Variants in ERCC6 observed in about 807,000 individuals in gnomAD.
ERCC6 encodes the protein ERCC excision repair 6, chromatin remodeling factor.
Under a neutral mutation model 158.7 loss-of-function variants are expected in ERCC6, and 116 were observed. The observed-to-expected ratio is 0.73, with a 90% CI of 0.63 to 0.85. ERCC6 has a LOEUF of 0.85. Ranked by LOEUF, ERCC6 falls within the 40% of genes least tolerant of loss-of-function variation. The pLI, the probability that ERCC6 is intolerant of heterozygous loss-of-function variation, is 0.00. For missense variants in ERCC6, 1,698 were observed against 1,799.4 expected (o/e 0.94, Z 1.02); for synonymous variants, 678 against 659.3 (o/e 1.03, Z -0.43).
Position 49,528,529 on chromosome 10 carries a change from G to A in ERCC6, c.544-4C>T, listed in dbSNP as rs762468697. 1.2e-6 allele frequency: 2 copies of A among 1,614,062 alleles called. No homozygotes were observed. The highest frequency in any genetic ancestry group is 8.5e-7 in the Non-Finnish European group (1 of 1,179,970). On this transcript the variant is annotated splice_region_variant and splice_polypyrimidine_tract_variant and intron_variant, in intron 3 of 20. Coordinates refer to ENST00000355832, the MANE Select transcript of ERCC6 (RefSeq NM_000124.4). ...TGATCTTTTTTAGCTGTTGTTCCTT[G>A]AATGGTAAATATAGAAGACAGAAAA... is the stretch of plus-strand genomic sequence containing the variant.
intron 6 of ERCC6, 153 bp downstream of exon 6, chr10:49,505,731 T>C: frequency 1.3e-6 from 1 of 789,066 alleles, no homozygotes. Flanking sequence ...GAACAGCACG[T>C]GGCTATAATT....
intron 5 of ERCC6, among the ~76,000 whole-genome samples, chr10:49,511,272 G>GA (rs1192982015): frequency 5.9e-5 from 9 of 152,048 alleles, no homozygotes; most frequent in African/African-American, 1.9e-4. Context: ...GAATTCTTAT[G>GA]ATGGGAAAAA....
chr10:49,458,895 C>T lies in ERCC6; in HGVS notation c.4402G>A (p.Glu1468Lys). Residue 1468 changes from glutamate (E) to lysine (K), a missense_variant, in exon 21 of 21, where the codon GAA becomes AAA. Glu to Lys is a moderately conservative substitution (Grantham distance 56). Transcript: ENST00000355832. ...AAAGTGCACAGATTTCTCAATAGTTCTCGGAAGACACAAGACTGTGATGCA... is the reference window on the plus strand; with the variant it reads ...AAAGTGCACAGATTTCTCAATAGTTTTCGGAAGACACAAGACTGTGATGCA... ...LSASQSCVFR[E>K]LLRNLCTFHR... 6.2e-7 allele frequency: 1 copy of T among 1,614,184 alleles called. No individual in the cohort carries two copies. The highest frequency in any genetic ancestry group is 1.3e-5 in the African/African-American group (1 of 75,050).
intron 5 of ERCC6, among the ~76,000 whole-genome samples, chr10:49,521,773 C>G (rs992916690): frequency 6.6e-6 from 1 of 152,176 alleles, no homozygotes; most frequent in African/African-American, 2.4e-5. Flanking sequence ...AAAGACTGAG[C>G]TGAGGGCTTG....
At chr10:49,524,932 A>G in intron 4 of ERCC6, 155 bp from the exon 5 acceptor site, 1 of 1,487,420 alleles carries the variant, frequency 6.7e-7, no homozygotes, top group Non-Finnish European at 8.9e-7. Context: ...TATGAAGGAC[A>G]GAATAAAATT....
intron 18 of ERCC6, among the ~76,000 whole-genome samples, chr10:49,465,686 T>C (rs1279871081): frequency 6.6e-6 from 1 of 152,216 alleles, no homozygotes; most frequent in African/African-American, 2.4e-5. Flanking sequence ...ATGAGTCTTA[T>C]ATGAGATCTG....
intron 5 of ERCC6, among the ~76,000 whole-genome samples, chr10:49,523,775 G>A (rs557837239): frequency 6.6e-6 from 1 of 152,098 alleles, no homozygotes; most frequent in South Asian, 2.1e-4. Context: ...TCTTGCCCCA[G>A]CCTTCCCTTA....
intron 8 of ERCC6, among the ~76,000 whole-genome samples, chr10:49,487,566 TC>T (rs1851098349): frequency 6.9e-6 from 1 of 145,196 alleles, no homozygotes; most frequent in Non-Finnish European, 1.5e-5. Context: ...AGAAAAACCA[TC>T]CACCTTTAGC....
chr10:49,436,606 C>G, the ERCC6 span, among the ~76,000 whole-genome samples: 6 of 152,128 alleles, frequency 3.9e-5, no homozygotes, highest in Non-Finnish European at 7.4e-5. Flanking sequence ...AGATTTTAAA[C>G]TAATTTGGTC....
intron 8 of ERCC6, among the ~76,000 whole-genome samples, chr10:49,492,218 G>T (rs932659314): frequency 6.6e-6 from 1 of 152,004 alleles, no homozygotes; most frequent in African/African-American, 2.4e-5. Context: ...GAGTTTCGTG[G>T]TCCCCGTGCA....
intron 5 of ERCC6, chr10:49,517,010 T>G: frequency 6.2e-7 from 1 of 1,613,982 alleles, no homozygotes; most frequent in African/African-American, 1.3e-5. Context: ...CAGAAACAGG[T>G]GCTGTAGCAT....
At chr10:49,539,210 T>C (rs1284231393), upstream of ERCC6, among the ~76,000 whole-genome samples, 1 of 152,244 alleles carries the variant, frequency 6.6e-6, no homozygotes, top group Non-Finnish European at 1.5e-5. Flanking sequence ...TCTACTTGCG[T>C]GCGAGCAGGG....
intron 1 of ERCC6, among the ~76,000 whole-genome samples, chr10:49,534,133 CA>C (rs746772551): frequency 0.12 from 7,238 of 60,184 alleles, 73 homozygotes; most frequent in East Asian, 0.32. Flanking sequence ...GACTCAATCT[CA>C]AAAAAAAAAA....
intron 5 of ERCC6, among the ~76,000 whole-genome samples, chr10:49,518,852 G>A (rs1044252579): frequency 6.6e-6 from 1 of 152,150 alleles, no homozygotes; most frequent in Non-Finnish European, 1.5e-5. Flanking sequence ...CATTCTGTAA[G>A]ACTTACACAA....
intron 7 of ERCC6, among the ~76,000 whole-genome samples, chr10:49,499,000 T>G (rs1851311751): frequency 6.6e-6 from 1 of 152,116 alleles, no homozygotes; most frequent in African/African-American, 2.4e-5. Context: ...ACCAAAGAGC[T>G]TATTTGAAAC....
intron 1 of ERCC6, among the ~76,000 whole-genome samples, chr10:49,538,325 G>T (rs965362401): frequency 6.6e-6 from 1 of 152,224 alleles, no homozygotes; most frequent in Non-Finnish European, 1.5e-5. Flanking sequence ...CACTCCCAGT[G>T]CAATGGAATG....
intron 2 of ERCC6, 123 bp downstream of exon 2, chr10:49,532,420 G>T: frequency 6.8e-7 from 1 of 1,478,234 alleles, no homozygotes; most frequent in Non-Finnish European, 9.1e-7. Flanking sequence ...TATTGACTCT[G>T]TCCTCCAAAT....
At chr10:49,518,207 C>T (rs1363591121) in intron 5 of ERCC6, among the ~76,000 whole-genome samples, 1 of 152,170 alleles carries the variant, frequency 6.6e-6, no homozygotes. Flanking sequence ...CAGGGCACTG[C>T]CTTTAGAAGC....
Position 49,532,994 on chromosome 10 carries a change from T to A in ERCC6, c.-14-16A>T. 1.2e-6 allele frequency: 2 copies of A among 1,613,348 alleles called. No homozygotes were observed. The highest frequency in any genetic ancestry group is 2.2e-5 in the East Asian group (1 of 44,878). ...TACAGACTACCTAAAAGGAAAAAAA[T>A]TTATAAGCCTTTTCGTTATATAGGA... On this transcript the variant is annotated splice_polypyrimidine_tract_variant and intron_variant, in intron 1 of 20. Coordinates refer to ENST00000355832, the MANE Select transcript of ERCC6 (RefSeq NM_000124.4).
Sources: allele counts gnomAD v4.1 joint callset (sites outside exome capture counted in the v4.1 genomes callset), GRCh38; gene constraint gnomAD v4.1.1; transcripts MANE v1.5; gene names NCBI Gene and HGNC (gene_info 2026-07-23, HGNC 2026-07-21).